CNOT6L: variants seen among roughly 807,000 people sequenced by gnomAD.
The protein encoded by CNOT6L is CCR4-NOT transcription complex subunit 6 like.
CNOT6L carries 7 observed loss-of-function variants against 64.0 expected under a neutral mutation model. The observed-to-expected ratio is 0.11, with a 90% CI of 0.06 to 0.21. The LOEUF (loss-of-function observed/expected upper bound fraction) is 0.21, where lower values mean the gene tolerates loss of function less well. Ranked by LOEUF, CNOT6L falls within the 10% of genes least tolerant of loss-of-function variation. CNOT6L has a pLI of 1.00. For synonymous variants in CNOT6L, 193 were observed against 243.4 expected (o/e 0.79, Z 1.93); for missense variants, 245 against 669.0 (o/e 0.37, Z 6.99).
chr4:77,815,141 CAG>C (rs966951458), intron 1 of CNOT6L, among the ~76,000 whole-genome samples: 7 of 152,152 alleles, frequency 4.6e-5, no homozygotes, highest in Admixed American at 6.5e-5. Flanking sequence ...ATCCCAATAA[CAG>C]AGGAAGAAAA....
At chr4:77,721,597 A>ATT (rs1721282035) in intron 11 of CNOT6L, among the ~76,000 whole-genome samples, 1 of 152,164 alleles carries the variant, frequency 6.6e-6, no homozygotes, top group East Asian at 1.9e-4. Flanking sequence ...AAATTTTTTT[A>ATT]TTGTGAGATT....
chr4:77,767,980 CAAAAA>C (rs11455356), intron 4 of CNOT6L, among the ~76,000 whole-genome samples: 1 of 87,128 alleles, frequency 1.1e-5, no homozygotes, highest in South Asian at 4.1e-4. Flanking sequence ...ACTTTGTCCC[CAAAAA>C]AAAAAAAAAA....
rs1320677758 is a variant in CNOT6L, at chr4:77,796,659, C to G, written c.6-20267G>C. 2.0e-5 allele frequency among the ~76,000 whole-genome samples: 3 copies of G among 152,168 alleles called. No individual in the cohort carries two copies. In the East Asian group the frequency reaches 5.8e-4, roughly 29 times the overall value. ...GCAGTGTGAGAACAGACTAACAGAA[C>G]TACGTAATTTCAAGAGTTATTACAA... On this transcript the variant is annotated intron_variant, in intron 1 of 11. Coordinates refer to ENST00000504123, the MANE Select transcript of CNOT6L (RefSeq NM_144571.3).
intron 8 of CNOT6L, among the ~76,000 whole-genome samples, chr4:77,735,374 A>G (rs552108200): frequency 1.3e-5 from 2 of 152,292 alleles, no homozygotes; most frequent in East Asian, 3.9e-4. Context: ...CTGCCATTAC[A>G]AAGATGAAGA....
intron 4 of CNOT6L, among the ~76,000 whole-genome samples, chr4:77,757,689 C>T (rs1025126729): frequency 2.4e-4 from 37 of 152,276 alleles, no homozygotes; most frequent in African/African-American, 7.9e-4. Flanking sequence ...CAATGCAACA[C>T]ATACCCACCA....
At chr4:77,748,130 A>G (rs1724417092) in intron 6 of CNOT6L, among the ~76,000 whole-genome samples, 186 bp downstream of exon 6, 2 of 152,216 alleles carry the variant, frequency 1.3e-5, no homozygotes, top group South Asian at 4.1e-4. Flanking sequence ...ATTACTGTGA[A>G]AGATATAAGA....
chr4:77,779,601 A>C (rs955188653), intron 1 of CNOT6L, among the ~76,000 whole-genome samples: 1 of 152,168 alleles, frequency 6.6e-6, no homozygotes, highest in Non-Finnish European at 1.5e-5. Flanking sequence ...GTAAAAACCA[A>C]AGTAAGATCA....
intron 1 of CNOT6L, among the ~76,000 whole-genome samples, chr4:77,795,021 C>CTTTT (rs35837302): frequency 7.6e-6 from 1 of 131,960 alleles, no homozygotes; most frequent in African/African-American, 2.8e-5. Flanking sequence ...AGAAATTTTT[C>CTTTT]TTTTTTTTTT....
chr4:77,793,752 G>A (rs760955329), intron 1 of CNOT6L, among the ~76,000 whole-genome samples: 1 of 152,156 alleles, frequency 6.6e-6, no homozygotes, highest in Non-Finnish European at 1.5e-5. Flanking sequence ...AAGATTAGAA[G>A]ACAGATAAGC....
chr4:77,782,878 A>T (rs551123268), intron 1 of CNOT6L, among the ~76,000 whole-genome samples: 1 of 152,138 alleles, frequency 6.6e-6, no homozygotes, highest in African/African-American at 2.4e-5. Flanking sequence ...TACTACAAAA[A>T]CTGCCCCTAG....
intron 1 of CNOT6L, among the ~76,000 whole-genome samples, chr4:77,796,413 A>G (rs1027024308): frequency 6.6e-6 from 1 of 151,896 alleles, no homozygotes; most frequent in Admixed American, 6.6e-5. Flanking sequence ...TTCTTGTGAT[A>G]GTGAGTTCTC....
chr4:77,788,172 C>G (rs1472851819), intron 1 of CNOT6L, among the ~76,000 whole-genome samples: 1 of 152,094 alleles, frequency 6.6e-6, no homozygotes, highest in Non-Finnish European at 1.5e-5. Context: ...TTTTTGCATA[C>G]TAAGGTAAAA....
At chr4:77,742,931 C>T (rs1246491364) in intron 7 of CNOT6L, among the ~76,000 whole-genome samples, 1 of 152,028 alleles carries the variant, frequency 6.6e-6, no homozygotes, top group African/African-American at 2.4e-5. Context: ...TTTCTAACAG[C>T]ATGAGTTTAT....
chr4:77,748,548 T>C (rs991625013), intron 5 of CNOT6L, among the ~76,000 whole-genome samples, 164 bp from the exon 6 acceptor site: 1 of 152,092 alleles, frequency 6.6e-6, no homozygotes, highest in African/African-American at 2.4e-5. Context: ...CAAAGGAAAT[T>C]TCAGAAAAGC....
chr4:77,762,535 G>A (rs570297350), intron 4 of CNOT6L, among the ~76,000 whole-genome samples: 8 of 152,150 alleles, frequency 5.3e-5, no homozygotes, highest in South Asian at 2.1e-4. Flanking sequence ...ACCTTGTGCC[G>A]TATATAAAAA....
At chr4:77,778,348 G>A (rs547523523) in intron 1 of CNOT6L, among the ~76,000 whole-genome samples, 2 of 151,502 alleles carry the variant, frequency 1.3e-5, no homozygotes, top group South Asian at 4.2e-4. Flanking sequence ...TACCTACAAT[G>A]AGAATGGGTA....
intron 1 of CNOT6L, among the ~76,000 whole-genome samples, chr4:77,814,205 TAG>T (rs1733307249): frequency 6.6e-6 from 1 of 152,146 alleles, no homozygotes; most frequent in Non-Finnish European, 1.5e-5. Context: ...AGTAATTGCC[TAG>T]AACTAGGGGC....
At position 77,780,219 on chromosome 4, in the gene CNOT6L, T is replaced by C. The variant is rs527500107; in HGVS notation, c.6-3827A>G. Among the ~76,000 whole-genome samples, 9 of 152,310 alleles carry C rather than the reference T, an allele frequency of 5.9e-5. No homozygotes were observed. In the South Asian group the frequency reaches 1.9e-3, roughly 32 times the overall value. On this transcript the variant is annotated intron_variant, in intron 1 of 11. Transcript: ENST00000504123. ...CTCAGTTCAAGACTTAAATACTGAG[T>C]GATTAACATTTTTCATCCAAGAAAG...
At chr4:77,748,796 T>C (rs941307965) in intron 5 of CNOT6L, among the ~76,000 whole-genome samples, 1 of 152,124 alleles carries the variant, frequency 6.6e-6, no homozygotes. Context: ...AAAGTACATA[T>C]GGATGTATTA....
Sources: gnomAD v4.1 joint callset for allele counts (sites outside exome capture counted in the v4.1 genomes callset) on GRCh38, gnomAD v4.1.1 for gene constraint, MANE v1.5 for transcripts, NCBI Gene and HGNC (gene_info 2026-07-23, HGNC 2026-07-21) for gene names.